Variants in LRRC4C observed in about 807,000 individuals in gnomAD.
The protein encoded by LRRC4C is leucine-rich repeat-containing protein 4C.
LRRC4C carries 5 observed loss-of-function variants against 33.6 expected under a neutral mutation model. That is an observed-to-expected ratio of 0.15 (90% CI 0.08 to 0.31). LRRC4C has a LOEUF of 0.31. LRRC4C is among the 10% of genes least tolerant of loss of function. The probability of loss-of-function intolerance (pLI) is 1.00; values close to 1 mark genes in which losing one functional copy is unlikely to be tolerated. For synonymous variants in LRRC4C, 329 were observed against 302.0 expected, an observed-to-expected ratio of 1.09 and a Z score of -0.93; for missense variants, 560 against 796.7, an observed-to-expected ratio of 0.70 and a Z score of 3.58.
intron 3 of LRRC4C, among the ~76,000 whole-genome samples, chr11:40,530,050 A>T (rs1956212105): frequency 6.6e-6 from 1 of 152,116 alleles, no homozygotes; most frequent in Non-Finnish European, 1.5e-5. Context: ...GCTTTCTGAC[A>T]TGCTGAAACT....
At chr11:40,935,346 T>C (rs916751172) in intron 1 of LRRC4C, among the ~76,000 whole-genome samples, 26 of 152,196 alleles carry the variant, frequency 1.7e-4, no homozygotes, top group African/African-American at 6.0e-4. Flanking sequence ...GTCTTTATTA[T>C]TGTTTTCATC....
chr11:41,180,082 G>A lies in LRRC4C; in HGVS notation c.-495-246359C>T, dbSNP rs574113048. 3.9e-5 allele frequency among the ~76,000 whole-genome samples: 6 copies of A among 152,278 alleles called. No homozygotes were observed. In the South Asian group the frequency reaches 1.2e-3, roughly 32 times the overall value. ...GTGATATGGAAGGGAAAATCTAATAGTTGAGTAGGAATTAGGCAAAGGGAG... is the reference window on the plus strand; with the variant it reads ...GTGATATGGAAGGGAAAATCTAATAATTGAGTAGGAATTAGGCAAAGGGAG... On this transcript the variant is annotated intron_variant, in intron 1 of 6. Coordinates refer to ENST00000528697, the MANE Select transcript of LRRC4C (RefSeq NM_001258419.2).
intron 4 of LRRC4C, among the ~76,000 whole-genome samples, chr11:40,243,695 T>C (rs2136114173): frequency 6.8e-6 from 1 of 146,492 alleles, no homozygotes; most frequent in Admixed American, 6.8e-5. Flanking sequence ...ATCTTTTTTT[T>C]TTTTTTTTTT....
intron 1 of LRRC4C, among the ~76,000 whole-genome samples, chr11:41,204,343 C>T (rs1385139694): frequency 6.6e-6 from 1 of 152,182 alleles, no homozygotes; most frequent in African/African-American, 2.4e-5. Context: ...GGACTGGGCA[C>T]CATATCTTGC....
At chr11:41,087,196 C>G (rs942835673) in intron 1 of LRRC4C, among the ~76,000 whole-genome samples, 2 of 152,108 alleles carry the variant, frequency 1.3e-5, no homozygotes, top group African/African-American at 2.4e-5. Flanking sequence ...AAATATCAGT[C>G]TCGTTTTTCC....
chr11:41,405,121 T>A (rs1192921811), intron 1 of LRRC4C, among the ~76,000 whole-genome samples: 3 of 152,160 alleles, frequency 2.0e-5, no homozygotes. Context: ...GAAGTTCATA[T>A]GATGCTTTCA....
At chr11:40,366,937 C>A (rs1009306884) in intron 3 of LRRC4C, among the ~76,000 whole-genome samples, 1 of 152,034 alleles carries the variant, frequency 6.6e-6, no homozygotes. Flanking sequence ...TTCCACATGG[C>A]AATTTGAGTT....
chr11:40,645,109 T>A (rs1942367868), intron 3 of LRRC4C, among the ~76,000 whole-genome samples: 2 of 152,208 alleles, frequency 1.3e-5, no homozygotes, highest in Admixed American at 6.5e-5. Flanking sequence ...CCATTCAGTT[T>A]ATAGCCCTGA....
chr11:41,098,585 G>T (rs1018912295), intron 1 of LRRC4C, among the ~76,000 whole-genome samples: 2 of 152,126 alleles, frequency 1.3e-5, no homozygotes, highest in Non-Finnish European at 2.9e-5. Flanking sequence ...CAGCAAGTAA[G>T]CTTCTGTGAT....
chr11:41,368,192 G>A (rs1952613658), intron 1 of LRRC4C, among the ~76,000 whole-genome samples: 1 of 152,128 alleles, frequency 6.6e-6, no homozygotes. Context: ...ACAACTGAAA[G>A]CCAGAATCAG....
At chr11:41,380,941 G>A (rs926010350) in intron 1 of LRRC4C, among the ~76,000 whole-genome samples, 1 of 151,992 alleles carries the variant, frequency 6.6e-6, no homozygotes, top group Non-Finnish European at 1.5e-5. Context: ...TATTAATAGT[G>A]GTTAGAAGTG....
chr11:41,319,501 T>G (rs982617638), intron 1 of LRRC4C, among the ~76,000 whole-genome samples: 3 of 152,160 alleles, frequency 2.0e-5, no homozygotes, highest in Non-Finnish European at 4.4e-5. Context: ...AAATGCATTC[T>G]ACATATCATA....
chr11:40,862,941 G>T lies in LRRC4C; in HGVS notation c.-407+70694C>A, dbSNP rs182893988. 2.6e-5 allele frequency among the ~76,000 whole-genome samples: 4 copies of T among 152,294 alleles called. No homozygotes were observed. The East Asian group carries it at 5.8e-4, about 22-fold the overall frequency. Reference sequence around the variant, plus strand: ...ATCTTATTTCTTTTGTGGAACAAATGATTTCTTCTGAGATAGGGTTATTCA... The same window carrying T: ...ATCTTATTTCTTTTGTGGAACAAATTATTTCTTCTGAGATAGGGTTATTCA... On this transcript the variant is annotated intron_variant, in intron 2 of 6. Transcript: ENST00000528697.
At chr11:40,132,259 AAAT>A (rs1385114195) in intron 6 of LRRC4C, among the ~76,000 whole-genome samples, 16 of 152,286 alleles carry the variant, frequency 1.1e-4, no homozygotes, top group African/African-American at 3.1e-4. Flanking sequence ...TGAGCTACCA[AAAT>A]CAAATTTCTG....
At position 40,329,212 on chromosome 11, in the gene LRRC4C, G is replaced by T. The variant is rs1201072727; in HGVS notation, c.-269-9491C>A. Among the ~76,000 whole-genome samples the T allele has an allele frequency of 2.0e-5, 3 of 152,188 alleles. No homozygotes were observed. In the East Asian group the frequency reaches 5.8e-4, roughly 29 times the overall value. On this transcript the variant is annotated intron_variant, in intron 3 of 6. Coordinates refer to ENST00000528697, the MANE Select transcript of LRRC4C (RefSeq NM_001258419.2). ...AACAGTTAGTTCTGTAAAGAGCTGG[G>T]TGCAACATTAAGATTTAATTAAACC...
At chr11:41,256,271 C>T (rs980378569) in intron 1 of LRRC4C, among the ~76,000 whole-genome samples, 5 of 151,944 alleles carry the variant, frequency 3.3e-5, no homozygotes, top group South Asian at 2.1e-4. Flanking sequence ...TCAATCAATC[C>T]ATCCAGGAAA....
intron 2 of LRRC4C, among the ~76,000 whole-genome samples, chr11:40,692,774 G>T (rs2136414496): frequency 6.6e-6 from 1 of 152,068 alleles, no homozygotes; most frequent in South Asian, 2.1e-4. Context: ...GAGACAAAAT[G>T]GGCTCCTATT....
intron 1 of LRRC4C, among the ~76,000 whole-genome samples, chr11:41,411,908 T>C (rs1264249434): frequency 6.6e-6 from 1 of 152,218 alleles, no homozygotes; most frequent in Non-Finnish European, 1.5e-5. Context: ...ACCAGCCTTG[T>C]GTTGTGAACT....
chr11:40,630,652 A>T (rs1200916471), intron 3 of LRRC4C, among the ~76,000 whole-genome samples: 2 of 152,198 alleles, frequency 1.3e-5, no homozygotes, highest in Non-Finnish European at 2.9e-5. Flanking sequence ...CTGACTTCAG[A>T]GATGCTGCAT....
Sources: allele counts gnomAD v4.1 joint callset (sites outside exome capture counted in the v4.1 genomes callset), GRCh38; gene constraint gnomAD v4.1.1; transcripts MANE v1.5; gene names NCBI Gene and HGNC (gene_info 2026-07-23, HGNC 2026-07-21).